ZFPM2: variants seen among roughly 807,000 people sequenced by gnomAD.
The protein encoded by ZFPM2 is zinc finger protein, FOG family member 2.
Under a neutral mutation model 98.6 loss-of-function variants are expected in ZFPM2, and 20 were observed. The ratio of observed to expected loss-of-function variants is 0.20; its 90% confidence interval spans 0.14 to 0.29. The LOEUF (loss-of-function observed/expected upper bound fraction) is 0.29, where lower values mean the gene tolerates loss of function less well. ZFPM2 is among the 10% of genes least tolerant of loss of function. The pLI, the probability that ZFPM2 is intolerant of heterozygous loss-of-function variation, is 1.00. For synonymous variants in ZFPM2, 518 were observed against 502.7 expected (o/e 1.03, Z -0.41); for missense variants, 1,310 against 1,388.6 (o/e 0.94, Z 0.90).
intron 5 of ZFPM2, among the ~76,000 whole-genome samples, chr8:105,718,670 C>T (rs1261928544): frequency 6.6e-5 from 10 of 151,660 alleles, no homozygotes; most frequent in Non-Finnish European, 1.5e-5. Context: ...TTTTTAAACA[C>T]ATACAGTGGA....
chr8:105,635,476 CT>C (rs1472234835), intron 5 of ZFPM2, among the ~76,000 whole-genome samples: 9 of 151,770 alleles, frequency 5.9e-5, no homozygotes, highest in Admixed American at 5.9e-4. Context: ...AAAAAACAAT[CT>C]GCACACCAGG....
At chr8:105,655,593 A>G (rs983903214) in intron 5 of ZFPM2, among the ~76,000 whole-genome samples, 11 of 152,076 alleles carry the variant, frequency 7.2e-5, no homozygotes, top group African/African-American at 2.7e-4. Flanking sequence ...GTTATAACCA[A>G]TGATCCACAC....
intron 2 of ZFPM2, among the ~76,000 whole-genome samples, chr8:105,422,992 T>C (rs866002668): frequency 1.3e-5 from 2 of 152,186 alleles, no homozygotes; most frequent in South Asian, 4.1e-4. Context: ...TCAATGGCTC[T>C]TATTATTGTA....
intron 5 of ZFPM2, among the ~76,000 whole-genome samples, chr8:105,676,499 G>A (rs1810467487): frequency 6.6e-6 from 1 of 151,886 alleles, no homozygotes; most frequent in Non-Finnish European, 1.5e-5. Context: ...TTTCTGACCT[G>A]GAACAAACAA....
At chr8:105,674,836 C>A (rs1817658901) in intron 5 of ZFPM2, among the ~76,000 whole-genome samples, 1 of 152,084 alleles carries the variant, frequency 6.6e-6, no homozygotes, top group African/African-American at 2.4e-5. Flanking sequence ...GAGGGGAAAT[C>A]AAAGACCTAG....
At chr8:105,445,320 A>G (rs1812343575) in intron 3 of ZFPM2, among the ~76,000 whole-genome samples, 1 of 152,218 alleles carries the variant, frequency 6.6e-6, no homozygotes, top group African/African-American at 2.4e-5. Flanking sequence ...AATGTTATTC[A>G]TCATACACAC....
At chr8:105,432,406 G>T (rs192322728) in intron 2 of ZFPM2, among the ~76,000 whole-genome samples, 1 of 152,266 alleles carries the variant, frequency 6.6e-6, no homozygotes, top group Non-Finnish European at 1.5e-5. Flanking sequence ...AGGCCTATGC[G>T]TTCTCTATTG....
chr8:105,802,932 G>T lies in ZFPM2; in HGVS notation c.2850G>T (p.Gln950His). The T allele has an allele frequency of 6.2e-7, 1 of 1,613,204 alleles. No homozygotes were observed. Among genetic ancestry groups the T allele is most frequent in the Admixed American group, 1.7e-5 (1 of 59,868 alleles). Residue 950 changes from glutamine (Q) to histidine (H), a missense_variant, in exon 8 of 8, where the codon CAG becomes CAT. Transcript: ENST00000407775. ...QGLKVFSEAA[Q>H]LIATKEENRH... ...TGAAGGTCTTTAGTGAAGCTGCTCA[G>T]CTCATTGCTACAAAAGAAGAAAACA...
At chr8:105,370,251 C>A (rs182256270) in intron 1 of ZFPM2, among the ~76,000 whole-genome samples, 4 of 152,138 alleles carry the variant, frequency 2.6e-5, no homozygotes, top group Non-Finnish European at 4.4e-5. Context: ...AGATAGCATA[C>A]GTAAATTGCA....
intron 3 of ZFPM2, among the ~76,000 whole-genome samples, chr8:105,532,837 G>C (rs984262810): frequency 2.1e-4 from 31 of 150,352 alleles, no homozygotes; most frequent in African/African-American, 7.7e-4. Context: ...AAACTAGAAA[G>C]TAAGAGAGAT....
intron 5 of ZFPM2, among the ~76,000 whole-genome samples, chr8:105,644,352 C>T (rs1328872759): frequency 6.6e-6 from 1 of 151,102 alleles, no homozygotes; most frequent in East Asian, 1.9e-4. Context: ...AACTCCTGGC[C>T]TCAGCTTCTC....
chr8:105,319,109 ACTTTGC>A (rs1811968254), intron 1 of ZFPM2, 128 bp downstream of exon 1: 2 of 1,136,878 alleles, frequency 1.8e-6, no homozygotes, highest in Non-Finnish European at 2.3e-6. Context: ...GATGTCTCAA[ACTTTGC>A]CTGAGCAGTC....
chr8:105,581,226 A>G (rs1185958485), intron 4 of ZFPM2, among the ~76,000 whole-genome samples: 1 of 152,124 alleles, frequency 6.6e-6, no homozygotes, highest in African/African-American at 2.4e-5. Context: ...TGACTTTTTT[A>G]TAGATACTTC....
chr8:105,577,315 T>C (rs1236899414), intron 4 of ZFPM2, among the ~76,000 whole-genome samples: 1 of 152,142 alleles, frequency 6.6e-6, no homozygotes, highest in Non-Finnish European at 1.5e-5. Context: ...AGTATTCACA[T>C]GTGTGCAGGC....
At chr8:105,563,962 A>G (rs1401129996) in intron 4 of ZFPM2, among the ~76,000 whole-genome samples, 1 of 152,114 alleles carries the variant, frequency 6.6e-6, no homozygotes, top group African/African-American at 2.4e-5. Flanking sequence ...TAATCTTGCT[A>G]TTACTCTCTG....
intron 3 of ZFPM2, among the ~76,000 whole-genome samples, chr8:105,504,966 C>G (rs1390646294): frequency 6.6e-6 from 1 of 151,942 alleles, no homozygotes; most frequent in Non-Finnish European, 1.5e-5. Context: ...GAATGATTAC[C>G]AGTTTTTTTC....
chr8:105,396,552 G>A (rs1282307285), intron 1 of ZFPM2, among the ~76,000 whole-genome samples: 1 of 152,122 alleles, frequency 6.6e-6, no homozygotes, highest in Non-Finnish European at 1.5e-5. Flanking sequence ...AATATAGAAA[G>A]GACCCCTTTT....
intron 3 of ZFPM2, among the ~76,000 whole-genome samples, chr8:105,511,930 G>A (rs1813826211): frequency 6.6e-6 from 1 of 152,168 alleles, no homozygotes; most frequent in African/African-American, 2.4e-5. Flanking sequence ...CGGATCACCT[G>A]AGGCCAGGAG....
At chr8:105,454,116 T>C (rs1181682871) in intron 3 of ZFPM2, among the ~76,000 whole-genome samples, 1 of 152,146 alleles carries the variant, frequency 6.6e-6, no homozygotes, top group African/African-American at 2.4e-5. Context: ...TAAAGATCCA[T>C]GTATTGGTTT....
Sources: gnomAD v4.1 joint callset for allele counts (sites outside exome capture counted in the v4.1 genomes callset) on GRCh38, gnomAD v4.1.1 for gene constraint, MANE v1.5 for transcripts, NCBI Gene and HGNC (gene_info 2026-07-23, HGNC 2026-07-21) for gene names.